The following SBF1 variants were observed in gnomAD, a reference collection of about 807,000 sequenced individuals.
SBF1 encodes SET binding factor 1, also known as myotubularin-related protein 5.
SBF1 carries 65 observed loss-of-function variants against 215.8 expected under a neutral mutation model. The ratio of observed to expected loss-of-function variants is 0.30; its 90% confidence interval spans 0.25 to 0.37. SBF1 has a LOEUF of 0.37. SBF1 is among the 10% of genes least tolerant of loss of function. The pLI, the probability that SBF1 is intolerant of heterozygous loss-of-function variation, is 1.00. For synonymous variants in SBF1, 1,410 were observed against 1,122.8 expected, an observed-to-expected ratio of 1.26 and a Z score of -5.11; for missense variants, 2,634 against 2,667.8, an observed-to-expected ratio of 0.99 and a Z score of 0.28.
In SBF1 at chr22:50,456,175, C is replaced by T. The variant is rs991405983; in HGVS notation, c.4266+41G>A. 7 of 1,600,118 alleles carry T rather than the reference C, an allele frequency of 4.4e-6. No homozygotes were observed. In the African/African-American group the frequency reaches 9.4e-5, roughly 21 times the overall value. On this transcript the variant is annotated intron_variant, in intron 31 of 40. Transcript: ENST00000380817. ...ACTTGGCTCTACCCAAGGGGAGGGC[C>T]CAGCACCAAGGCGGGCAGAGGGACG...
intron 15 of SBF1, 102 bp downstream of exon 15, chr22:50,464,227 G>A (rs1044774476): frequency 1.6e-5 from 16 of 979,946 alleles, no homozygotes; most frequent in African/African-American, 6.5e-5. Flanking sequence ...GTTAGGCAGA[G>A]GAGGCCCTGG....
chr22:50,460,126 G>C lies in SBF1; in HGVS notation c.3317C>G (p.Pro1106Arg). 1 of 1,612,774 alleles carries C rather than the reference G, an allele frequency of 6.2e-7. No homozygotes were observed. Among genetic ancestry groups the C allele is most frequent in the South Asian group, 1.1e-5 (1 of 91,086 alleles). ...GTCGGAGGGCTTCAGGGCTGAGGAC[G>C]GGGTCAGCGTGCTGGGCTCCAGCTC... ...SEELEPSTLT[P>R]SSALKPSDRM... The change falls in exon 26 of 41, where the codon CCG (proline) becomes CGG (arginine). Residue 1106 changes from proline (P) to arginine (R), a missense_variant. Physicochemically the swap from Pro to Arg is moderately radical, Grantham distance 103. Transcript: ENST00000380817.
intron 26 of SBF1, 140 bp from the exon 27 acceptor site, chr22:50,459,806 C>A: frequency 3.0e-6 from 4 of 1,327,440 alleles, no homozygotes; most frequent in Non-Finnish European, 4.1e-6. Flanking sequence ...CCCAGCCACC[C>A]CCCAGCCCTG....
intron 1 of SBF1, among the ~76,000 whole-genome samples, chr22:50,474,225 C>T (rs1332022140): frequency 6.6e-6 from 1 of 152,226 alleles, no homozygotes; most frequent in Non-Finnish European, 1.5e-5. Context: ...GCTTCCTCCT[C>T]AAATCCTCCC....
intron 28 of SBF1, among the ~76,000 whole-genome samples, chr22:50,458,995 C>G (rs2043241830): frequency 6.6e-6 from 1 of 152,216 alleles, no homozygotes; most frequent in African/African-American, 2.4e-5. Flanking sequence ...GAAGCTGCAG[C>G]AGACGCAGAG....
Position 50,461,886 on chromosome 22 carries a change from C to G in SBF1, c.2570-17G>C. 6.2e-7 allele frequency: 1 copy of G among 1,614,074 alleles called. No individual in the cohort carries two copies. Among genetic ancestry groups the G allele is most frequent in the Non-Finnish European group, 8.5e-7 (1 of 1,179,992 alleles). On this transcript the variant is annotated splice_polypyrimidine_tract_variant and intron_variant, in intron 20 of 40. Coordinates refer to ENST00000380817, the MANE Select transcript of SBF1 (RefSeq NM_002972.4). ...GGACAATGTCTGGGGGAAGACAGTT[C>G]TCACACTTTGTGCCCAGCCCCACCC...
chr22:50,458,167 C>T (rs535793445), intron 28 of SBF1, among the ~76,000 whole-genome samples: 37 of 151,980 alleles, frequency 2.4e-4, no homozygotes, highest in Admixed American at 1.3e-3. Context: ...CAGCCGGGCG[C>T]GGTGGCGGGC....
Position 50,445,174 on chromosome 22 carries a change from C to T in SBF1, c.*1968G>A, listed in dbSNP as rs181045264. The T allele has an allele frequency of 3.1e-3, 480 of 152,530 alleles. 1 individual carries two copies. Among genetic ancestry groups the T allele is most frequent in the African/African-American group, 4.7e-3 (195 of 41,570 alleles). The allele number at this position is 152,530 out of a possible 1,614,324, so 9.4% of individuals were successfully genotyped here. ...TCCTCCAGCACCTCTTTTGTGGGCC[C>T]GCCACCCCCCAGCGTTATCCCCGTG... On this transcript the variant is annotated 3_prime_UTR_variant, in exon 41 of 41. Coordinates refer to ENST00000380817, the MANE Select transcript of SBF1 (RefSeq NM_002972.4).
rs147338216 is a variant in SBF1 at position 50,474,535 on chromosome 22, G to A, written c.55+251C>T. 0.047 allele frequency among the ~76,000 whole-genome samples: 7,134 copies of A among 152,168 alleles called. 243 individuals carry two copies. Among genetic ancestry groups the A allele is most frequent in the Non-Finnish European group, 0.072 (4,922 of 67,942 alleles). ...CGCCCATTCTCCCCACGGGCTGTCC[G>A]GTCGGCCCTGGCCTTCAGTCCCCGC... is the stretch of plus-strand genomic sequence containing the variant. On this transcript the variant is annotated intron_variant, in intron 1 of 40. Coordinates refer to ENST00000380817, the MANE Select transcript of SBF1 (RefSeq NM_002972.4).
In SBF1 at chr22:50,459,556, C is replaced by A. The variant is rs762918599; in HGVS notation, c.3602G>T (p.Arg1201Leu). The A allele has an allele frequency of 6.2e-7, 1 of 1,608,874 alleles. No homozygotes were observed. Among genetic ancestry groups the A allele is most frequent in the South Asian group, 1.1e-5 (1 of 90,864 alleles). ...AGAGCGCAGCAGCACCGCCTTGGAC[C>A]GCCCGCTGCGCCAGCAGACCACGGG... ...RFPVVCWRSG[R>L]SKAVLLRSGG... Residue 1201 changes from arginine to leucine, a missense_variant, in exon 27 of 41, where the codon CGG becomes CTG. By Grantham distance (102) the Arg-to-Leu change is moderately radical (BLOSUM62 -2). Coordinates refer to ENST00000380817, the MANE Select transcript of SBF1 (RefSeq NM_002972.4).
Position 50,460,588 on chromosome 22 carries a change from G to A in SBF1, c.3092C>T (p.Ala1031Val), listed in dbSNP as rs1055297254. Residue 1031 changes from alanine (A) to valine (V), a missense_variant, in exon 24 of 41, where the codon GCC (alanine) becomes GTC (valine). Transcript: ENST00000380817. ...RATFAFTLGS[A>V]HTPGRPPRVT... ...TCGCGGTGGCCGGCCAGGTGTGTGG[G>A]CAGAGCCCAAGGTGAACGCAAAGGT... 2 of 1,613,992 alleles carry A rather than the reference G, an allele frequency of 1.2e-6. No individual in the cohort carries two copies. Among genetic ancestry groups the A allele is most frequent in the African/African-American group, 1.3e-5 (1 of 74,944 alleles).
At position 50,455,589 on chromosome 22, in the gene SBF1, G is replaced by C. The variant is rs748665159; in HGVS notation, c.4267-7C>G. Reference sequence around the variant, plus strand: ...CCTGCAGCAGCTTGTGGATCTGCAGGGACAGGCGGCCTCAGCACCTCGGGG... The same window carrying C: ...CCTGCAGCAGCTTGTGGATCTGCAGCGACAGGCGGCCTCAGCACCTCGGGG... On this transcript the variant is annotated splice_region_variant and splice_polypyrimidine_tract_variant and intron_variant, in intron 31 of 40. Coordinates refer to ENST00000380817, the MANE Select transcript of SBF1 (RefSeq NM_002972.4). 5 of 1,563,794 alleles carry C rather than the reference G, an allele frequency of 3.2e-6. No homozygotes were observed. Among genetic ancestry groups the C allele is most frequent in the Non-Finnish European group, 4.3e-6 (5 of 1,154,182 alleles).
intron 38 of SBF1, among the ~76,000 whole-genome samples, chr22:50,447,960 A>G (rs762350404): frequency 5.3e-5 from 8 of 152,204 alleles, no homozygotes; most frequent in Non-Finnish European, 1.2e-4. Context: ...GTAGATCTGT[A>G]GAAGCAGCCA....
intron 27 of SBF1, 24 bp from the exon 28 acceptor site, chr22:50,459,416 G>A (rs371569228): frequency 2.1e-5 from 34 of 1,611,854 alleles, no homozygotes; most frequent in Non-Finnish European, 2.5e-5. Context: ...CGGAGCTGAG[G>A]GAGGGGAGGG....
chr22:50,454,582 C>T lies in SBF1; in HGVS notation c.4973G>A (p.Arg1658His), dbSNP rs550773035. Reference protein sequence around the residue: ...RSDGGAPQSRRRVVWPCYDSC... With the variant: ...RSDGGAPQSRHRVVWPCYDSC... ...GTCGTAACAGGGCCACACCACGCGG[C>T]GCCTGCTCTGGGGAGCGCCTCCATC... Residue 1658 changes from arginine (R) to histidine (H), a missense_variant, in exon 36 of 41, where the codon CGC becomes CAC. By Grantham distance (29) the Arg-to-His change is conservative. Coordinates refer to ENST00000380817, the MANE Select transcript of SBF1 (RefSeq NM_002972.4). The T allele has an allele frequency of 4.3e-6, 7 of 1,611,368 alleles. No individual in the cohort carries two copies. The highest frequency in any genetic ancestry group is 4.5e-5 in the East Asian group (2 of 44,860).
intron 22 of SBF1, 98 bp from the exon 23 acceptor site, chr22:50,461,384 G>T: frequency 3.3e-6 from 5 of 1,513,170 alleles, no homozygotes; most frequent in Non-Finnish European, 4.4e-6. Flanking sequence ...CCAAGTGGGT[G>T]GGGAAGGAGC....
chr22:50,465,301 G>A lies in SBF1; in HGVS notation c.1117C>T (p.Arg373Trp), dbSNP rs771412531. ...QDKELRAVFLRLFAQLLQGYR... is the reference protein window; with the variant it reads ...QDKELRAVFLWLFAQLLQGYR... ...CCCTGCAGCAGCTGAGCGAACAGCC[G>A]CAGGAAGACCGCGCGCAGCTCCTTG... The change falls in exon 11 of 41, where the codon CGG (arginine) becomes TGG (tryptophan). Residue 373 changes from arginine (R) to tryptophan (W), a missense_variant. Coordinates refer to ENST00000380817, the MANE Select transcript of SBF1 (RefSeq NM_002972.4). The A allele has an allele frequency of 1.2e-5, 19 of 1,604,156 alleles. No individual in the cohort carries two copies. The highest frequency in any genetic ancestry group is 6.7e-5 in the East Asian group (3 of 44,462).
At chr22:50,470,398 GCAT>G (rs2067954938) in intron 1 of SBF1, among the ~76,000 whole-genome samples, 2 of 152,086 alleles carry the variant, frequency 1.3e-5, no homozygotes, top group Admixed American at 1.3e-4. Context: ...GTCTTGTGAA[GCAT>G]CAACTCTCAC....
chr22:50,463,935 C>T (rs1226374754), intron 15 of SBF1, among the ~76,000 whole-genome samples: 1 of 152,194 alleles, frequency 6.6e-6, no homozygotes, highest in East Asian at 1.9e-4. Flanking sequence ...ACAGCAGGAG[C>T]AAAAAGCTCT....
Sources: allele counts gnomAD v4.1 joint callset (sites outside exome capture counted in the v4.1 genomes callset), GRCh38; gene constraint gnomAD v4.1.1; transcripts MANE v1.5; gene names NCBI Gene and HGNC (gene_info 2026-07-23, HGNC 2026-07-21).